Variants in PCDH15 observed in about 807,000 individuals in gnomAD.
PCDH15 encodes protocadherin related 15.
Under a neutral mutation model 178.5 loss-of-function variants are expected in PCDH15, and 129 were observed. The observed-to-expected ratio is 0.72, with a 90% CI of 0.63 to 0.84. The LOEUF (loss-of-function observed/expected upper bound fraction) is 0.84, where lower values mean the gene tolerates loss of function less well. Ranked by LOEUF, PCDH15 falls within the 40% of genes least tolerant of loss-of-function variation. PCDH15 has a pLI of 0.00. For synonymous variants in PCDH15, 800 were observed against 732.0 expected, an observed-to-expected ratio of 1.09 and a Z score of -1.50; for missense variants, 2,230 against 2,099.9, an observed-to-expected ratio of 1.06 and a Z score of -1.21.
At chr10:54,677,974 G>A (rs1056857096) in intron 1 of PCDH15, among the ~76,000 whole-genome samples, 3 of 152,076 alleles carry the variant, frequency 2.0e-5, no homozygotes, top group African/African-American at 7.2e-5. Context: ...ACACTTTAGA[G>A]TATCTTCCTG....
At chr10:54,208,122 G>T (rs1008547559) in intron 10 of PCDH15, among the ~76,000 whole-genome samples, 1 of 151,952 alleles carries the variant, frequency 6.6e-6, no homozygotes, top group Non-Finnish European at 1.5e-5. Flanking sequence ...AACACTTAGT[G>T]TATCAAAGGT....
At chr10:55,625,362 T>C (rs376126324) in intron 2 of PCDH15, among the ~76,000 whole-genome samples, 12 of 152,200 alleles carry the variant, frequency 7.9e-5, no homozygotes, top group African/African-American at 2.9e-4. Flanking sequence ...GGAAAGTTTT[T>C]AGATTAACAT....
At chr10:54,724,335 A>AATTTTATTCTTT (rs1942124959) in intron 1 of PCDH15, among the ~76,000 whole-genome samples, 1 of 151,686 alleles carries the variant, frequency 6.6e-6, no homozygotes, top group Non-Finnish European at 1.5e-5. Flanking sequence ...AGAGGTACAT[A>AATTTTATTCTTT]TAGATGCAAA....
intron 2 of PCDH15, among the ~76,000 whole-genome samples, chr10:55,010,685 T>G (rs1166673665): frequency 6.6e-6 from 1 of 152,120 alleles, no homozygotes; most frequent in African/African-American, 2.4e-5. Flanking sequence ...TGAAGTCTTA[T>G]TCACTACCCA....
intron 2 of PCDH15, among the ~76,000 whole-genome samples, chr10:55,153,013 A>G (rs1236190479): frequency 2.0e-5 from 3 of 152,098 alleles, no homozygotes; most frequent in Admixed American, 1.3e-4. Flanking sequence ...ACTAATAAAT[A>G]ATATACAAGT....
intron 2 of PCDH15, among the ~76,000 whole-genome samples, chr10:55,328,528 A>C (rs1011934099): frequency 7.9e-5 from 12 of 151,706 alleles, no homozygotes; most frequent in African/African-American, 2.9e-4. Flanking sequence ...ATCTTATGGG[A>C]TCGCCATTAT....
chr10:54,458,239 C>A (rs1198946505), intron 3 of PCDH15, among the ~76,000 whole-genome samples: 1 of 152,104 alleles, frequency 6.6e-6, no homozygotes, highest in Non-Finnish European at 1.5e-5. Flanking sequence ...CCAGGCCCAA[C>A]AGAAGCCCTT....
chr10:53,873,214 C>T (rs146677355), intron 26 of PCDH15, among the ~76,000 whole-genome samples: 7 of 152,218 alleles, frequency 4.6e-5, no homozygotes, highest in East Asian at 3.9e-4. Context: ...ATGCCTTAAC[C>T]GCAGCCAGAT....
At chr10:54,002,069 A>G (rs75851915) in intron 20 of PCDH15, among the ~76,000 whole-genome samples, 107 of 37,566 alleles carry the variant, frequency 2.8e-3, no homozygotes, top group African/African-American at 0.013. Context: ...ATATACATGT[A>G]TATATATACA....
At chr10:54,238,775 A>G (rs1335913298) in intron 8 of PCDH15, among the ~76,000 whole-genome samples, 1 of 151,924 alleles carries the variant, frequency 6.6e-6, no homozygotes, top group Non-Finnish European at 1.5e-5. Flanking sequence ...ACTGAAAAAA[A>G]AATCTGAAGT....
Position 55,338,852 on chromosome 10 carries a change from T to C in PCDH15, c.-155-172201A>G, listed in dbSNP as rs1844473345. On this transcript the variant is annotated intron_variant, in intron 2 of 5. Transcript: ENST00000613346. Reference sequence around the variant, plus strand: ...ACAACGTGGATGGAACTGGAGGACATTATGTTAAGGGATGTAAGCCAGGCA... The same window carrying C: ...ACAACGTGGATGGAACTGGAGGACACTATGTTAAGGGATGTAAGCCAGGCA... Among the ~76,000 whole-genome samples the C allele has an allele frequency of 2.0e-5, 3 of 152,040 alleles. No individual in the cohort carries two copies. The South Asian group carries it at 6.2e-4, about 31-fold the overall frequency.
Position 53,828,388 on chromosome 10 carries a change from G to T in PCDH15, c.4211+177C>A, listed in dbSNP as rs560636565. 4.9e-4 allele frequency among the ~76,000 whole-genome samples: 74 copies of T among 152,142 alleles called. No individual in the cohort carries two copies. The South Asian group carries it at 0.011, about 23-fold the overall frequency. On this transcript the variant is annotated intron_variant, in intron 31 of 37. Transcript: ENST00000644397. ...TCTTTTTCACATTTGTGCAAGTTAC[G>T]TCCAATTGTCTAAAATCAGCTCAAT... is the stretch of plus-strand genomic sequence containing the variant.
At chr10:54,062,227 C>CAAAAAAAAAAAAAA (rs72361686) in intron 18 of PCDH15, among the ~76,000 whole-genome samples, 55 of 53,786 alleles carry the variant, frequency 1.0e-3, no homozygotes, top group East Asian at 2.4e-3. Context: ...GATTCTGTCT[C>CAAAAAAAAAAAAAA]AAAAAAAAAA....
upstream of PCDH15, among the ~76,000 whole-genome samples, chr10:54,803,389 G>A (rs1445621111): frequency 6.6e-6 from 1 of 152,044 alleles, no homozygotes; most frequent in Non-Finnish European, 1.5e-5. Context: ...TTAACTTTCT[G>A]AACTTGCATT....
chr10:54,722,658 A>G (rs929680141), intron 1 of PCDH15, among the ~76,000 whole-genome samples: 2 of 151,608 alleles, frequency 1.3e-5, no homozygotes, highest in Admixed American at 6.6e-5. Context: ...TGACTCCCCC[A>G]GAAGACCTCT....
chr10:54,853,192 G>A (rs950590647), intron 3 of PCDH15, among the ~76,000 whole-genome samples: 14 of 148,996 alleles, frequency 9.4e-5, no homozygotes, highest in African/African-American at 2.5e-4. Context: ...CCTGGTTGGC[G>A]GAGGTTGTAG....
At chr10:54,375,175 C>T (rs1032604929) in intron 4 of PCDH15, among the ~76,000 whole-genome samples, 29 of 152,070 alleles carry the variant, frequency 1.9e-4, no homozygotes, top group African/African-American at 6.5e-4. Flanking sequence ...ATTGTTATTT[C>T]TCTCAGAAAT....
chr10:54,638,592 G>A (rs554872399), intron 2 of PCDH15, among the ~76,000 whole-genome samples: 13 of 152,134 alleles, frequency 8.5e-5, no homozygotes, highest in African/African-American at 2.4e-4. Context: ...TTTTACACTT[G>A]TCAACTAGCC....
At chr10:54,998,494 C>T (rs1456924408) in intron 2 of PCDH15, among the ~76,000 whole-genome samples, 3 of 151,600 alleles carry the variant, frequency 2.0e-5, no homozygotes, top group Non-Finnish European at 4.4e-5. Flanking sequence ...ATAATCATCA[C>T]AATTAAAAAA....
Sources: allele counts gnomAD v4.1 joint callset (sites outside exome capture counted in the v4.1 genomes callset), GRCh38; gene constraint gnomAD v4.1.1; transcripts MANE v1.5; gene names NCBI Gene and HGNC (gene_info 2026-07-23, HGNC 2026-07-21).